SHROOM3: variants seen among roughly 807,000 people sequenced by gnomAD.
SHROOM3 encodes the protein shroom family member 3, also known as protein Shroom3.
Under a neutral mutation model 138.6 loss-of-function variants are expected in SHROOM3, and 47 were observed. The observed-to-expected ratio is 0.34, with a 90% CI of 0.27 to 0.43. SHROOM3 has a LOEUF of 0.43. Among genes scored for constraint, SHROOM3 ranks in the 20% least tolerant of loss-of-function variants. The pLI is 1.00. For synonymous variants in SHROOM3, 1,062 were observed against 1,063.3 expected, an observed-to-expected ratio of 1.00 and a Z score of 0.02; for missense variants, 2,491 against 2,596.5, an observed-to-expected ratio of 0.96 and a Z score of 0.88.
intron 4 of SHROOM3, among the ~76,000 whole-genome samples, chr4:76,737,631 G>T (rs1020310179): frequency 2.7e-5 from 4 of 150,704 alleles, no homozygotes; most frequent in African/African-American, 9.7e-5. Context: ...TCTAATAGGT[G>T]TGTAGTGGTA....
intron 3 of SHROOM3, among the ~76,000 whole-genome samples, chr4:76,719,626 C>T (rs1720475840): frequency 6.6e-6 from 1 of 152,078 alleles, no homozygotes; most frequent in Non-Finnish European, 1.5e-5. Flanking sequence ...TGTGTCATTG[C>T]TGACAAAGGG....
rs754125348 is a variant in SHROOM3 at position 76,755,082 on chromosome 4, A to G, written c.4599A>G (p.Pro1533=). The part of the protein sequence containing the change: ...FEPLPPPPPP[P]PSQETPVYSM... ...CTCTTCCCCCACCCCCACCTCCTCC[A>G]CCGAGTCAGGAAACCCCGGTGTATA... The change falls in exon 7 of 11, where the codon CCA becomes CCG. Residue 1533 remains proline, a synonymous_variant. Coordinates refer to ENST00000296043, the MANE Select transcript of SHROOM3 (RefSeq NM_020859.4). 2.7e-6 allele frequency: 4 copies of G among 1,458,002 alleles called. No homozygotes were observed. Among genetic ancestry groups the G allele is most frequent in the East Asian group, 4.9e-5 (2 of 41,080 alleles). The allele number at this position is 1,458,002 out of a possible 1,614,324, so 90.3% of individuals were successfully genotyped here. A position where few individuals can be genotyped will look rare whatever the true frequency, so the allele number is the denominator to read the frequency against.
In SHROOM3 at chr4:76,740,392, C is replaced by G. The variant is rs1164256212; in HGVS notation, c.2219C>G (p.Pro740Arg). 3.1e-6 allele frequency: 5 copies of G among 1,613,086 alleles called. No homozygotes were observed. Among genetic ancestry groups the G allele is most frequent in the East Asian group, 4.5e-5 (2 of 44,854 alleles). Reference sequence around the variant, plus strand: ...TCGGCTTCTTTCAACAGCACAGACCCAAGTCCCGAAGAGCCGCCTGCCCCC... The same window carrying G: ...TCGGCTTCTTTCAACAGCACAGACCGAAGTCCCGAAGAGCCGCCTGCCCCC... ...GASASFNSTD[P>R]SPEEPPAPSH... The change falls in exon 5 of 11, where the codon CCA becomes CGA. Residue 740 changes from proline (P) to arginine (R), a missense_variant. This residue lies in a region of SHROOM3 where 1,733 missense variants were observed against 1,661.6 expected (regional missense o/e 1.04). Coordinates refer to ENST00000296043, the MANE Select transcript of SHROOM3 (RefSeq NM_020859.4). This position sits in a 1 kb window ranked among gnomAD's most constrained non-coding sequence, Gnocchi z 4.0.
At chr4:76,670,726 G>A (rs887405551) in intron 2 of SHROOM3, among the ~76,000 whole-genome samples, 4 of 152,186 alleles carry the variant, frequency 2.6e-5, no homozygotes, top group African/African-American at 9.7e-5. Context: ...GGCCAAGGCG[G>A]GTGGATCACT....
chr4:76,488,796 A>G (rs1437369259), intron 1 of SHROOM3, among the ~76,000 whole-genome samples: 1 of 152,242 alleles, frequency 6.6e-6, no homozygotes, highest in African/African-American at 2.4e-5. Flanking sequence ...CAGGCAGTGC[A>G]CTAAACACGT....
chr4:76,770,046 G>A (rs1467898349), intron 9 of SHROOM3, among the ~76,000 whole-genome samples: 1 of 152,152 alleles, frequency 6.6e-6, no homozygotes, highest in Admixed American at 6.5e-5. Context: ...TAATTGGCCA[G>A]GCACAGTGGC....
intron 2 of SHROOM3, among the ~76,000 whole-genome samples, chr4:76,669,386 C>T (rs1195701096): frequency 2.6e-5 from 4 of 151,964 alleles, no homozygotes; most frequent in African/African-American, 4.8e-5. Context: ...TTTGGGAGGC[C>T]GAGGCAGGCA....
At chr4:76,668,690 C>T (rs1014854314) in intron 2 of SHROOM3, among the ~76,000 whole-genome samples, 3 of 152,306 alleles carry the variant, frequency 2.0e-5, no homozygotes, top group East Asian at 3.9e-4. Context: ...AGATCAGATT[C>T]CGATTTGACA....
At chr4:76,640,411 C>A (rs7680249) in intron 2 of SHROOM3, among the ~76,000 whole-genome samples, 49 of 152,268 alleles carry the variant, frequency 3.2e-4, no homozygotes, top group South Asian at 8.3e-4. Context: ...CACCTGCTGG[C>A]GTGTTTGATT....
chr4:76,478,965 C>A (rs888729179), intron 1 of SHROOM3, among the ~76,000 whole-genome samples: 5 of 152,006 alleles, frequency 3.3e-5, no homozygotes, highest in African/African-American at 1.2e-4. Context: ...ACTCAGAAAC[C>A]CCATCTGAAG....
chr4:76,727,700 C>T (rs1349215556), intron 3 of SHROOM3, among the ~76,000 whole-genome samples: 2 of 151,080 alleles, frequency 1.3e-5, no homozygotes, highest in South Asian at 2.1e-4. Context: ...CCAGCCTGGC[C>T]AATATGGTGA....
Position 76,491,434 on chromosome 4 carries a change from A to G in SHROOM3, c.168+55214A>G, listed in dbSNP as rs183088161. ...TTTGTTTTACTACACAGAAGCTTAA[A>G]ACGCTGGATGCTTGCTTTCCTAGAC... On this transcript the variant is annotated intron_variant, in intron 1 of 10. Transcript: ENST00000296043. Among the ~76,000 whole-genome samples the G allele has an allele frequency of 2.1e-4, 32 of 152,310 alleles. No individual in the cohort carries two copies. In the East Asian group the frequency reaches 4.0e-3, roughly 19 times the overall value.
Position 76,740,174 on chromosome 4 carries a change from C to G in SHROOM3, c.2001C>G (p.Asn667Lys). 2 of 1,613,954 alleles carry G rather than the reference C, an allele frequency of 1.2e-6. No homozygotes were observed. Among genetic ancestry groups the G allele is most frequent in the Non-Finnish European group, 1.7e-6 (2 of 1,180,036 alleles). The part of the protein sequence containing the change: ...KTKSAFSSLQ[N>K]IPESLRRHSS... Reference sequence around the variant, plus strand: ...AGTCAGCCTTCTCATCTCTCCAGAACATTCCTGAGAGTCTGAGAAGACACA... The same window carrying G: ...AGTCAGCCTTCTCATCTCTCCAGAAGATTCCTGAGAGTCTGAGAAGACACA... The change falls in exon 5 of 11, where the codon AAC (asparagine) becomes AAG (lysine). Residue 667 changes from asparagine to lysine, a missense_variant. Around this residue, in one of 4 missense-constraint regions of SHROOM3, gnomAD observed 1,733 missense variants for 1,661.6 expected, o/e 1.04. Transcript: ENST00000296043. The surrounding 1 kb of genome is among the most constrained non-coding windows in gnomAD (Gnocchi z 4.0).
At chr4:76,510,950 G>A (rs1732321632) in intron 1 of SHROOM3, among the ~76,000 whole-genome samples, 1 of 152,104 alleles carries the variant, frequency 6.6e-6, no homozygotes, top group African/African-American at 2.4e-5. Flanking sequence ...GGAGGCCGAG[G>A]CAGGTGGATC....
Position 76,444,106 on chromosome 4 carries a change from G to A in SHROOM3, c.168+7886G>A, listed in dbSNP as rs181520830. Among the ~76,000 whole-genome samples the A allele has an allele frequency of 3.7e-3, 558 of 151,854 alleles. 4 individuals carry two copies. Among genetic ancestry groups the A allele is most frequent in the Admixed American group, 6.6e-3 (100 of 15,244 alleles). On this transcript the variant is annotated intron_variant, in intron 1 of 10. Transcript: ENST00000296043. ...ACCCGGCTAATTTTTGTAGAGGTGG[G>A]GTTTTGCTATGTTTCCCAGGCTGGT...
chr4:76,456,288 A>C (rs559643983), intron 1 of SHROOM3, among the ~76,000 whole-genome samples: 9 of 152,322 alleles, frequency 5.9e-5, no homozygotes, highest in African/African-American at 2.2e-4. Flanking sequence ...TACAGGCATA[A>C]GCCACTGTGC....
At chr4:76,622,978 G>T (rs772743072) in intron 2 of SHROOM3, among the ~76,000 whole-genome samples, 1 of 152,150 alleles carries the variant, frequency 6.6e-6, no homozygotes, top group Admixed American at 6.5e-5. Context: ...TCTCACTGGT[G>T]TTTGCTCTTA....
At chr4:76,603,561 C>T (rs1734550743) in intron 2 of SHROOM3, among the ~76,000 whole-genome samples, 1 of 151,934 alleles carries the variant, frequency 6.6e-6, no homozygotes, top group Non-Finnish European at 1.5e-5. Flanking sequence ...GGAATAAGAC[C>T]ACCATCTTGT....
At chr4:76,583,205 G>A (rs1046948957) in intron 2 of SHROOM3, among the ~76,000 whole-genome samples, 2 of 152,180 alleles carry the variant, frequency 1.3e-5, no homozygotes, top group African/African-American at 4.8e-5. Context: ...GCACATTCCA[G>A]TGTAAAGAAC....
Sources: allele counts gnomAD v4.1 joint callset (sites outside exome capture counted in the v4.1 genomes callset), GRCh38; gene constraint gnomAD v4.1.1; regional missense constraint gnomAD v4.1.1; non-coding constraint Gnocchi (gnomAD v3.1); transcripts MANE v1.5; gene names NCBI Gene and HGNC (gene_info 2026-07-23, HGNC 2026-07-21).